The following MYO9A variants were observed in gnomAD, a reference collection of about 807,000 sequenced individuals.
The protein encoded by MYO9A is unconventional myosin-IXa.
Under a neutral mutation model 293.3 loss-of-function variants are expected in MYO9A, and 103 were observed. The ratio of observed to expected loss-of-function variants is 0.35; its 90% CI spans 0.30 to 0.41. The LOEUF (loss-of-function observed/expected upper bound fraction) is 0.41. MYO9A is among the 10% of genes least tolerant of loss of function. MYO9A has a pLI of 1.00. For synonymous variants in MYO9A, 1,001 were observed against 1,035.7 expected, an observed-to-expected ratio of 0.97 and a Z score of 0.64; for missense variants, 2,685 against 3,033.0, an observed-to-expected ratio of 0.89 and a Z score of 2.69.
chr15:71,836,274 C>T (rs543600543), intron 39 of MYO9A, among the ~76,000 whole-genome samples: 77 of 152,062 alleles, frequency 5.1e-4, no homozygotes, highest in African/African-American at 1.8e-3. Context: ...TGTATATATA[C>T]ACACACATTA....
intron 4 of MYO9A, among the ~76,000 whole-genome samples, chr15:72,026,105 CT>C (rs1317833136): frequency 6.6e-6 from 1 of 151,556 alleles, no homozygotes; most frequent in Non-Finnish European, 1.5e-5. Context: ...AACCCCGCCC[CT>C]ACTAAAAATA....
intron 1 of MYO9A, among the ~76,000 whole-genome samples, chr15:72,097,910 AAAAT>A (rs1475333064): frequency 6.6e-6 from 1 of 152,128 alleles, no homozygotes; most frequent in Non-Finnish European, 1.5e-5. Flanking sequence ...CTCCATCTCA[AAAAT>A]AAATAAATAA....
intron 19 of MYO9A, among the ~76,000 whole-genome samples, chr15:71,906,887 C>T (rs1303998554): frequency 6.7e-6 from 1 of 150,236 alleles, no homozygotes; most frequent in African/African-American, 2.5e-5. Context: ...CCTCAGCCTC[C>T]CGATTAGCTG....
intron 11 of MYO9A, among the ~76,000 whole-genome samples, chr15:71,980,749 G>A (rs1009971672): frequency 7.2e-5 from 11 of 152,102 alleles, no homozygotes; most frequent in African/African-American, 2.7e-4. Flanking sequence ...GAGGCAAGAC[G>A]ACCTCTTGAG....
At chr15:71,958,401 G>A (rs998467283) in intron 14 of MYO9A, 3 of 152,154 alleles carry the variant, frequency 2.0e-5, no homozygotes, top group East Asian at 1.9e-4. Context: ...AAAATAAAAC[G>A]TTAGGGTGAA....
At chr15:72,098,916 T>C (rs993937757) in intron 1 of MYO9A, among the ~76,000 whole-genome samples, 1 of 151,056 alleles carries the variant, frequency 6.6e-6, no homozygotes, top group African/African-American at 2.4e-5. Flanking sequence ...AACAAAATAG[T>C]AAAGGCCATC....
intron 3 of MYO9A, among the ~76,000 whole-genome samples, chr15:72,032,249 T>C (rs984529336): frequency 1.3e-5 from 2 of 152,174 alleles, no homozygotes; most frequent in Non-Finnish European, 2.9e-5. Flanking sequence ...GTATGCATAA[T>C]ATATAGAAAG....
chr15:71,898,080 C>T lies in MYO9A; in HGVS notation c.4423G>A (p.Val1475Ile). Residue 1475 changes from valine (V) to isoleucine (I), a missense_variant, in exon 25 of 42, where the codon GTT becomes ATT. Around this residue, in one of 10 missense-constraint regions of MYO9A, gnomAD observed 1,434 missense variants for 1,497.7 expected, o/e 0.96. Transcript: ENST00000356056. Reference sequence around the variant, plus strand: ...GAAGACTCTGTATTCAAAGAAGGAACAATCTGATCTTTTCCTGAGCAGTGA... The same window carrying T: ...GAAGACTCTGTATTCAAAGAAGGAATAATCTGATCTTTTCCTGAGCAGTGA... ...RYHCSGKDQI[V>I]PSLNTESSNP... The T allele has an allele frequency of 6.2e-7, 1 of 1,614,142 alleles. No individual in the cohort carries two copies. The highest frequency in any genetic ancestry group is 1.1e-5 in the South Asian group (1 of 91,078).
chr15:71,894,304 C>A (rs2057261754), intron 25 of MYO9A, among the ~76,000 whole-genome samples: 2 of 152,148 alleles, frequency 1.3e-5, no homozygotes, highest in Admixed American at 1.3e-4. Context: ...AGGCTGGGTG[C>A]AGTGGCTCAT....
chr15:71,912,742 AC>A (rs1012307396), intron 19 of MYO9A, among the ~76,000 whole-genome samples: 1 of 152,036 alleles, frequency 6.6e-6, no homozygotes, highest in Non-Finnish European at 1.5e-5. Flanking sequence ...TCTCTACTTA[AC>A]CTTAGTTTTT....
chr15:71,882,227 G>C (rs899612440), intron 28 of MYO9A, among the ~76,000 whole-genome samples: 7 of 152,060 alleles, frequency 4.6e-5, no homozygotes, highest in Non-Finnish European at 8.8e-5. Flanking sequence ...GTCAATGCTG[G>C]TATTTCACCC....
intron 18 of MYO9A, among the ~76,000 whole-genome samples, chr15:71,927,165 C>A (rs981937949): frequency 2.0e-5 from 3 of 152,164 alleles, no homozygotes; most frequent in Non-Finnish European, 4.4e-5. Context: ...TAAGACATTT[C>A]TTTGGCAAAA....
intron 1 of MYO9A, among the ~76,000 whole-genome samples, chr15:72,097,315 GAA>G: frequency 6.6e-6 from 1 of 152,262 alleles, no homozygotes; most frequent in African/African-American, 2.4e-5. Flanking sequence ...CCACCACCAT[GAA>G]GTAAAGAACC....
At chr15:71,937,749 A>G (rs73434358) in intron 16 of MYO9A, among the ~76,000 whole-genome samples, 3,197 of 152,204 alleles carry the variant, frequency 0.021, 110 homozygotes, top group African/African-American at 0.075. Flanking sequence ...TAGGAAACTT[A>G]AAACCACTAA....
At chr15:72,023,522 G>A (rs1228489333) in intron 4 of MYO9A, among the ~76,000 whole-genome samples, 1 of 151,768 alleles carries the variant, frequency 6.6e-6, no homozygotes, top group African/African-American at 2.4e-5. Context: ...GTGAAACCCC[G>A]TCTCTACTAA....
intron 26 of MYO9A, chr15:71,892,464 C>T (rs1408362885): frequency 6.6e-6 from 1 of 152,274 alleles, no homozygotes; most frequent in Non-Finnish European, 1.5e-5. Flanking sequence ...GATCAGTAAA[C>T]TAAACCACGG....
At position 71,837,765 on chromosome 15, in the gene MYO9A, A is replaced by G. The variant is rs562606543; in HGVS notation, c.6838-7454T>C. On this transcript the variant is annotated intron_variant, in intron 39 of 41. Coordinates refer to ENST00000356056, the MANE Select transcript of MYO9A (RefSeq NM_006901.4). Reference sequence around the variant, plus strand: ...AAGTAATTTTTAAAAAGTTGATTACATGGAGCTTTTAGAAACATGAGAAAA... The same window carrying G: ...AAGTAATTTTTAAAAAGTTGATTACGTGGAGCTTTTAGAAACATGAGAAAA... Among the ~76,000 whole-genome samples, 5 of 152,296 alleles carry G rather than the reference A, an allele frequency of 3.3e-5. 1 individual carries two copies. The highest frequency in any genetic ancestry group is 1.2e-4 in the African/African-American group (5 of 41,596).
chr15:71,934,812 G>T (rs1399077887), intron 17 of MYO9A, among the ~76,000 whole-genome samples: 83 of 50,896 alleles, frequency 1.6e-3, no homozygotes, highest in African/African-American at 8.4e-3. Context: ...TTTTTTTTTT[G>T]GAGAGATGGG....
rs567740769 is a variant in MYO9A at position 72,037,638 on chromosome 15, C to T, written c.841-5050G>A. ...ATAACTGAGTACAGTTTTTGATGATCTCATGCACAAAAATATAGACTTTAC... is the reference window on the plus strand; with the variant it reads ...ATAACTGAGTACAGTTTTTGATGATTTCATGCACAAAAATATAGACTTTAC... On this transcript the variant is annotated intron_variant, in intron 2 of 41. Coordinates refer to ENST00000356056, the MANE Select transcript of MYO9A (RefSeq NM_006901.4). Among the ~76,000 whole-genome samples the T allele has an allele frequency of 3.3e-5, 5 of 152,150 alleles. No homozygotes were observed. In the South Asian group the frequency reaches 1.0e-3, roughly 32 times the overall value.
Sources: gnomAD v4.1 joint callset for allele counts (sites outside exome capture counted in the v4.1 genomes callset) on GRCh38, gnomAD v4.1.1 for gene constraint, gnomAD v4.1.1 regional missense constraint, MANE v1.5 for transcripts, NCBI Gene and HGNC (gene_info 2026-07-23, HGNC 2026-07-21) for gene names.